MTUS2: variants seen among roughly 807,000 people sequenced by gnomAD.
MTUS2 encodes microtubule-associated tumor suppressor candidate 2.
Under a neutral mutation model 114.1 loss-of-function variants are expected in MTUS2, and 40 were observed. The observed-to-expected ratio is 0.35, with a 90% CI of 0.27 to 0.46. The LOEUF is 0.46. MTUS2 is among the 20% of genes least tolerant of loss of function. The pLI, the probability that MTUS2 is intolerant of heterozygous loss-of-function variation, is 1.00. For missense variants in MTUS2, 1,679 were observed against 1,705.4 expected (o/e 0.98, Z 0.27); for synonymous variants, 688 against 672.0 (o/e 1.02, Z -0.37).
intron 5 of MTUS2, among the ~76,000 whole-genome samples, chr13:29,243,084 G>A (rs1400376265): frequency 6.6e-6 from 1 of 152,206 alleles, no homozygotes; most frequent in East Asian, 1.9e-4. Context: ...GGACGCTTGA[G>A]GAGAAATTTT....
intron 8 of MTUS2, among the ~76,000 whole-genome samples, chr13:29,368,690 CTGGTACAGCCCCCTGTGT>C (rs1870946818): frequency 6.6e-6 from 1 of 152,224 alleles, no homozygotes; most frequent in Non-Finnish European, 1.5e-5. Flanking sequence ...CCCTCCAGAG[CTGGTACAGCCCCCTGTGT>C]TGATTTCTGG....
Position 29,135,205 on chromosome 13 carries a change from G to A in MTUS2, c.2644+34235G>A, listed in dbSNP as rs548775161. Among the ~76,000 whole-genome samples, 12 of 152,198 alleles carry A rather than the reference G, an allele frequency of 7.9e-5. No homozygotes were observed. The South Asian group carries it at 1.9e-3, about 24-fold the overall frequency. On this transcript the variant is annotated intron_variant, in intron 5 of 15. Coordinates refer to ENST00000612955, the MANE Select transcript of MTUS2 (RefSeq NM_001033602.4). ...ACTTAGTAGCCATCTCAGTTATCAC[G>A]TTGCAAAAACAGTGGTTTCAGGCAT... is the stretch of plus-strand genomic sequence containing the variant.
chr13:29,336,867 T>C (rs1370035298), intron 7 of MTUS2, among the ~76,000 whole-genome samples: 1 of 152,206 alleles, frequency 6.6e-6, no homozygotes, highest in African/African-American at 2.4e-5. Context: ...AGAGAGGCAG[T>C]CTGGCTACAG....
chr13:29,132,923 T>G (rs1181943756), intron 5 of MTUS2, among the ~76,000 whole-genome samples: 1 of 152,216 alleles, frequency 6.6e-6, no homozygotes, highest in Non-Finnish European at 1.5e-5. Context: ...TTTAATTTTT[T>G]GGGGAGCTGC....
chr13:29,454,489 A>G (rs1329921378), intron 9 of MTUS2, among the ~76,000 whole-genome samples: 1 of 152,180 alleles, frequency 6.6e-6, no homozygotes, highest in African/African-American at 2.4e-5. Flanking sequence ...CAAATTGCCA[A>G]TTTATTAATT....
intron 9 of MTUS2, 109 bp downstream of exon 9, chr13:29,440,158 CT>C (rs779167396): frequency 9.5e-7 from 1 of 1,054,494 alleles, no homozygotes; most frequent in Non-Finnish European, 1.4e-6. Context: ...GCAAACCTGC[CT>C]AGATGAATGA....
chr13:28,860,323 G>T (rs1432418315), intron 2 of MTUS2, among the ~76,000 whole-genome samples: 1 of 152,182 alleles, frequency 6.6e-6, no homozygotes, highest in Non-Finnish European at 1.5e-5. Flanking sequence ...GTAGGAATCA[G>T]GTTGTTTGAC....
chr13:29,162,590 G>T (rs143846200), intron 5 of MTUS2, among the ~76,000 whole-genome samples: 49 of 152,286 alleles, frequency 3.2e-4, no homozygotes, highest in African/African-American at 1.1e-3. Context: ...AATACCAAGT[G>T]ATCAGTTAAA....
At chr13:28,911,286 C>T (rs1880414625) in intron 2 of MTUS2, among the ~76,000 whole-genome samples, 1 of 150,558 alleles carries the variant, frequency 6.6e-6, no homozygotes, top group Admixed American at 6.6e-5. Context: ...AGTGATTACC[C>T]TGCCTCAGCC....
chr13:29,476,771 A>C (rs1338635154), intron 9 of MTUS2: 1 of 152,316 alleles, frequency 6.6e-6, no homozygotes, highest in Middle Eastern at 3.4e-3. Flanking sequence ...TTTCACCTGG[A>C]GTCCATCGAG....
chr13:29,445,836 A>T (rs984126566), intron 9 of MTUS2, among the ~76,000 whole-genome samples: 1 of 151,960 alleles, frequency 6.6e-6, no homozygotes, highest in East Asian at 1.9e-4. Flanking sequence ...TGAACCTGGG[A>T]GGCGGATGTT....
intron 2 of MTUS2, among the ~76,000 whole-genome samples, chr13:28,992,861 A>G (rs1471583230): frequency 1.3e-5 from 2 of 152,204 alleles, no homozygotes; most frequent in African/African-American, 4.8e-5. Flanking sequence ...TGCAAGACTG[A>G]AACCGTCCCC....
At chr13:29,224,575 G>A (rs954284834) in intron 5 of MTUS2, among the ~76,000 whole-genome samples, 1 of 151,182 alleles carries the variant, frequency 6.6e-6, no homozygotes, top group East Asian at 1.9e-4. Flanking sequence ...ATAATTTGGG[G>A]GTATTTTTAA....
chr13:29,035,913 G>A (rs1443404118), intron 4 of MTUS2, among the ~76,000 whole-genome samples: 1 of 152,090 alleles, frequency 6.6e-6, no homozygotes, highest in Non-Finnish European at 1.5e-5. Flanking sequence ...GGGAGACTGA[G>A]GTGGACGGAT....
At chr13:28,934,898 A>G (rs1206595572) in intron 2 of MTUS2, among the ~76,000 whole-genome samples, 1 of 151,858 alleles carries the variant, frequency 6.6e-6, no homozygotes, top group Non-Finnish European at 1.5e-5. Flanking sequence ...ATACTGTGTA[A>G]CCACCATCCC....
chr13:29,263,615 C>T (rs754558906), intron 5 of MTUS2, among the ~76,000 whole-genome samples: 8 of 152,052 alleles, frequency 5.3e-5, no homozygotes, highest in African/African-American at 1.2e-4. Context: ...TTTTTACTCA[C>T]GGCAGAAGAC....
intron 2 of MTUS2, among the ~76,000 whole-genome samples, chr13:28,954,465 C>T (rs1368126192): frequency 6.6e-6 from 1 of 152,200 alleles, no homozygotes; most frequent in Non-Finnish European, 1.5e-5. Flanking sequence ...AGTCCATGCA[C>T]ACGGGGCATT....
At chr13:29,211,107 A>C (rs1895411470) in intron 5 of MTUS2, among the ~76,000 whole-genome samples, 1 of 151,856 alleles carries the variant, frequency 6.6e-6, no homozygotes. Flanking sequence ...AGATTTAGGC[A>C]TGTCTGAGCC....
At chr13:29,311,260 G>A (rs553004619) in intron 6 of MTUS2, among the ~76,000 whole-genome samples, 29 of 152,254 alleles carry the variant, frequency 1.9e-4, no homozygotes, top group Admixed American at 1.4e-3. Flanking sequence ...TTGTTTCCTC[G>A]AATGGAAAGG....
Sources: allele counts gnomAD v4.1 joint callset (sites outside exome capture counted in the v4.1 genomes callset), GRCh38; gene constraint gnomAD v4.1.1; transcripts MANE v1.5; gene names NCBI Gene and HGNC (gene_info 2026-07-23, HGNC 2026-07-21).